The following XNDC1N variants were observed in gnomAD, a reference collection of about 807,000 sequenced individuals.
The protein encoded by XNDC1N is protein XNDC1N.
chr11:71,889,891 C>G, the XNDC1N span, among the ~76,000 whole-genome samples: 39 of 152,118 alleles, frequency 2.6e-4, no homozygotes, highest in Non-Finnish European at 4.0e-4. Context: ...AGAGAAATCT[C>G]GTGAAGTAAC....
chr11:71,883,099 C>A, the XNDC1N span, among the ~76,000 whole-genome samples: 1 of 152,022 alleles, frequency 6.6e-6, no homozygotes, highest in Admixed American at 6.5e-5. Flanking sequence ...AAAGAAGACA[C>A]AAATCAGTAG....
chr11:71,925,748 C>T, the XNDC1N span, among the ~76,000 whole-genome samples: 21 of 149,980 alleles, frequency 1.4e-4, no homozygotes, highest in Non-Finnish European at 2.2e-4. Context: ...GACGTGGTGG[C>T]GGGGGCCTGT....
the XNDC1N span, among the ~76,000 whole-genome samples, chr11:71,904,451 A>T: frequency 2.6e-5 from 4 of 152,264 alleles, no homozygotes; most frequent in South Asian, 8.3e-4. Context: ...CAGGAGTTGC[A>T]TCTCCCTAGG....
At chr11:71,873,204 G>A in the XNDC1N span, among the ~76,000 whole-genome samples, 1 of 152,036 alleles carries the variant, frequency 6.6e-6, no homozygotes, top group Non-Finnish European at 1.5e-5. Flanking sequence ...CAGTTGAGCA[G>A]TATGCTGCTT....
the XNDC1N span, chr11:71,916,118 A>G: frequency 1.4e-6 from 1 of 702,924 alleles, no homozygotes; most frequent in African/African-American, 1.7e-5. Flanking sequence ...CCCACCACAG[A>G]GTCATCTAAG....
At chr11:71,871,394 A>G in the XNDC1N span, among the ~76,000 whole-genome samples, 1 of 152,220 alleles carries the variant, frequency 6.6e-6, no homozygotes, top group Non-Finnish European at 1.5e-5. Flanking sequence ...GGATAAGGAT[A>G]TCATGGTCAA....
At chr11:71,893,794 T>C in the XNDC1N span, 14 of 1,078,546 alleles carry the variant, frequency 1.3e-5, no homozygotes, top group South Asian at 1.6e-4. Flanking sequence ...CCTTTTTGCA[T>C]GTATAGAAGG....
chr11:71,912,763 C>T, the XNDC1N span, among the ~76,000 whole-genome samples: 1 of 152,130 alleles, frequency 6.6e-6, no homozygotes, highest in African/African-American at 2.4e-5. Context: ...TGTACAGACC[C>T]TGCGACCTTT....
chr11:71,876,958 C>A, the XNDC1N span, among the ~76,000 whole-genome samples: 1 of 152,180 alleles, frequency 6.6e-6, no homozygotes, highest in Non-Finnish European at 1.5e-5. Flanking sequence ...AGGCTTGTGC[C>A]CAGGCACCGC....
the XNDC1N span, among the ~76,000 whole-genome samples, chr11:71,900,880 A>G: frequency 6.6e-6 from 1 of 152,202 alleles, no homozygotes; most frequent in Non-Finnish European, 1.5e-5. Context: ...CATGAGGTCA[A>G]AAAGGGTGAA....
chr11:71,915,714 T>TA, the XNDC1N span, among the ~76,000 whole-genome samples: 123,454 of 152,120 alleles, frequency 0.81, 52,143 homozygotes, highest in Non-Finnish European at 0.94. Flanking sequence ...CTTTGGGACT[T>TA]ACAGTGAGTG....
At chr11:71,887,815 C>G in the XNDC1N span, among the ~76,000 whole-genome samples, 2 of 152,188 alleles carry the variant, frequency 1.3e-5, no homozygotes, top group East Asian at 3.9e-4. Flanking sequence ...CTAACCCGTC[C>G]ACATTGTTGG....
the XNDC1N span, among the ~76,000 whole-genome samples, chr11:71,912,112 A>G: frequency 2.2e-4 from 34 of 152,116 alleles, no homozygotes; most frequent in East Asian, 6.6e-3. Context: ...TCTACATCTC[A>G]CCTTTGTCAG....
the XNDC1N span, among the ~76,000 whole-genome samples, chr11:71,905,657 C>T: frequency 1.3e-5 from 2 of 151,940 alleles, no homozygotes; most frequent in African/African-American, 4.8e-5. Flanking sequence ...ACATGGTGTA[C>T]ACCCACTGTG....
the XNDC1N span, chr11:71,915,981 G>C: frequency 1.5e-6 from 1 of 648,362 alleles, no homozygotes; most frequent in Non-Finnish European, 2.8e-6. Context: ...GTACGTGTGT[G>C]TGTGTCTATG....
chr11:71,921,998 A>G, the XNDC1N span, among the ~76,000 whole-genome samples: 1 of 152,084 alleles, frequency 6.6e-6, no homozygotes, highest in Non-Finnish European at 1.5e-5. Context: ...CATCTCTACT[A>G]AAAATACAAA....
At chr11:71,887,991 T>C in the XNDC1N span, among the ~76,000 whole-genome samples, 3 of 152,068 alleles carry the variant, frequency 2.0e-5, no homozygotes, top group African/African-American at 7.2e-5. Flanking sequence ...CCCCAAGGGG[T>C]CAAGAACTCC....
chr11:71,896,336 C>T, the XNDC1N span, among the ~76,000 whole-genome samples: 10 of 152,150 alleles, frequency 6.6e-5, no homozygotes, highest in South Asian at 6.2e-4. Context: ...GGTTAGCAGA[C>T]GCTAGGAAGA....
At chr11:71,884,237 C>T in the XNDC1N span, 22 of 700,248 alleles carry the variant, frequency 3.1e-5, 1 homozygote, top group East Asian at 6.2e-5. Flanking sequence ...AAGAAATCAT[C>T]GTTTGTCTTT....
Sources: gnomAD v4.1 joint callset for allele counts (sites outside exome capture counted in the v4.1 genomes callset) on GRCh38, gnomAD v4.1.1 for gene constraint, MANE v1.5 for transcripts, NCBI Gene and HGNC (gene_info 2026-07-23, HGNC 2026-07-21) for gene names.